GCM1: variants seen among roughly 807,000 people sequenced by gnomAD.
The protein encoded by GCM1 is GCM transcription factor 1, also known as chorion-specific transcription factor GCMa.
GCM1 carries 2 observed loss-of-function variants against 25.7 expected under a neutral mutation model. The observed-to-expected ratio is 0.08, with a 90% CI of 0.03 to 0.24. GCM1 has a LOEUF of 0.24. Ranked by LOEUF, GCM1 falls within the 10% of genes least tolerant of loss-of-function variation. The probability of loss-of-function intolerance (pLI) is 1.00; values close to 1 mark genes in which losing one functional copy is unlikely to be tolerated. For synonymous variants in GCM1, 183 were observed against 195.7 expected (o/e 0.94, Z 0.54); for missense variants, 395 against 538.7 (o/e 0.73, Z 2.64).
At chr6:53,141,449 A>G (rs1161525972) in intron 2 of GCM1, among the ~76,000 whole-genome samples, 1 of 152,160 alleles carries the variant, frequency 6.6e-6, no homozygotes, top group African/African-American at 2.4e-5. Context: ...GCACTTTGGG[A>G]GGCCAAGGTG....
At chr6:53,148,487 T>G (rs966783813) in intron 1 of GCM1, among the ~76,000 whole-genome samples, 4 of 152,208 alleles carry the variant, frequency 2.6e-5, no homozygotes, top group Non-Finnish European at 5.9e-5. Flanking sequence ...AGCATTAATT[T>G]AATATTTCCC....
In GCM1 at chr6:53,130,947, G is replaced by C; in HGVS notation, c.442-16C>G. 6.2e-7 allele frequency: 1 copy of C among 1,609,130 alleles called. No homozygotes were observed. Among genetic ancestry groups the C allele is most frequent in the Non-Finnish European group, 8.5e-7 (1 of 1,175,680 alleles). The stretch of plus-strand genomic sequence containing the variant: ...CTCCCTTTGACTTAAATGAGACAAG[G>C]AAGTAGAAAGGAAATGATATAACAC... On this transcript the variant is annotated splice_polypyrimidine_tract_variant and intron_variant, in intron 4 of 5. Transcript: ENST00000259803.
At position 53,144,731 on chromosome 6, in the gene GCM1, A is replaced by G. The variant is rs555345759; in HGVS notation, c.75+827T>C. Among the ~76,000 whole-genome samples the G allele has an allele frequency of 5.9e-5, 9 of 152,158 alleles. No individual in the cohort carries two copies. In the East Asian group the frequency reaches 1.7e-3, roughly 29 times the overall value. On this transcript the variant is annotated intron_variant, in intron 2 of 5. Coordinates refer to ENST00000259803, the MANE Select transcript of GCM1 (RefSeq NM_003643.4). ...GGAGTTCAAGACCAGCCCGGGCAAC[A>G]TGGCAAAACCCCATCTCTACAAAAA...
rs572717204 is a variant in GCM1 at position 53,145,618 on chromosome 6, G to A, written c.15C>T (p.Asp5=). Residue 5 remains aspartate, a synonymous_variant, in exon 2 of 6, where the codon GAC becomes GAT. Coordinates refer to ENST00000259803, the MANE Select transcript of GCM1 (RefSeq NM_003643.4). ...ATATCTCTTTGTCTTCAGAATCAAA[G>A]TCGTCAGGTTCCATGATAAGGTCAG... is the stretch of plus-strand genomic sequence containing the variant. MEPD[D]FDSEDKEILS... 1.3e-6 allele frequency: 2 copies of A among 1,597,094 alleles called. No homozygotes were observed. Among genetic ancestry groups the A allele is most frequent in the Admixed American group, 1.7e-5 (1 of 59,948 alleles).
At chr6:53,135,624 CA>C (rs1763786747) in intron 2 of GCM1, among the ~76,000 whole-genome samples, 4 of 152,176 alleles carry the variant, frequency 2.6e-5, no homozygotes, top group Admixed American at 1.3e-4. Flanking sequence ...TGTCAGCACT[CA>C]AACTTAGGCT....
At chr6:53,147,932 T>C (rs141141319) in intron 1 of GCM1, among the ~76,000 whole-genome samples, 24 of 152,300 alleles carry the variant, frequency 1.6e-4, no homozygotes, top group Non-Finnish European at 3.2e-4. Flanking sequence ...ATAGTCTTTA[T>C]AAATAAAGTT....
rs879684270 is a variant in GCM1, at chr6:53,147,814, C to T, written c.-137+940G>A. 1.9e-4 allele frequency among the ~76,000 whole-genome samples: 29 copies of T among 152,176 alleles called. No homozygotes were observed. The Middle Eastern group carries it at 0.01, about 54-fold the overall frequency. ...AGGGAAAGTGTATGTATATAAAAGA[C>T]CGTTGACCTGAACATAAGAATGAAG... On this transcript the variant is annotated intron_variant, in intron 1 of 5. Coordinates refer to ENST00000259803, the MANE Select transcript of GCM1 (RefSeq NM_003643.4).
chr6:53,137,709 C>T (rs1377268573), intron 2 of GCM1, among the ~76,000 whole-genome samples: 2 of 152,054 alleles, frequency 1.3e-5, no homozygotes, highest in Non-Finnish European at 1.5e-5. Context: ...TGAATTATTC[C>T]AGTATAAAAC....
intron 4 of GCM1, among the ~76,000 whole-genome samples, chr6:53,131,453 G>A (rs780349794): frequency 1.3e-5 from 2 of 152,168 alleles, no homozygotes; most frequent in Admixed American, 6.5e-5. Flanking sequence ...AATCAGCCAC[G>A]GTGAGAATAT....
At chr6:53,129,038 G>T in intron 5 of GCM1, 92 bp from the exon 6 acceptor site, 1 of 977,942 alleles carries the variant, frequency 1.0e-6, no homozygotes, top group Non-Finnish European at 1.5e-6. Flanking sequence ...ACAAATAAGA[G>T]CTCCATCAGA....
chr6:53,130,268 C>A (rs1408757627), intron 5 of GCM1, among the ~76,000 whole-genome samples: 1 of 152,190 alleles, frequency 6.6e-6, no homozygotes, highest in East Asian at 1.9e-4. Context: ...AACCTATGAT[C>A]TGCTGCCCAT....
At chr6:53,129,007 G>A (rs1763688714) in intron 5 of GCM1, 61 bp from the exon 6 acceptor site, 2 of 1,356,230 alleles carry the variant, frequency 1.5e-6, no homozygotes, top group Non-Finnish European at 2.1e-6. Flanking sequence ...CACTGCCATA[G>A]GCACCCATGA....
rs775075424 is a variant in GCM1, at chr6:53,128,487, C to G, written c.1030G>C (p.Glu344Gln). 6.2e-7 allele frequency: 1 copy of G among 1,613,996 alleles called. No individual in the cohort carries two copies. ...CAGCCAGTTTTGGCTGCAGGTGGCT[C>G]CAATGGAAGCTGCTGGTAAAAGGGT... The part of the protein sequence containing the change: ...SEPFYQQLPL[E>Q]PPAAKTGCPP... The change falls in exon 6 of 6, where the codon GAG becomes CAG. Residue 344 changes from glutamate (E) to glutamine (Q), a missense_variant. This residue lies in a region of GCM1 where 291 missense variants were observed against 314.6 expected (regional missense o/e 0.92). Coordinates refer to ENST00000259803, the MANE Select transcript of GCM1 (RefSeq NM_003643.4).
intron 2 of GCM1, among the ~76,000 whole-genome samples, chr6:53,143,326 T>C (rs1265429423): frequency 2.0e-5 from 3 of 152,228 alleles, no homozygotes; most frequent in African/African-American, 7.2e-5. Flanking sequence ...GAACATGAAC[T>C]TTTATGAGCC....
chr6:53,142,870 C>CAAAAA lies in GCM1; in HGVS notation c.75+2683_75+2687dup, dbSNP rs60718730. Among the ~76,000 whole-genome samples the CAAAAA allele has an allele frequency of 7.5e-3, 281 of 37,510 alleles. 19 individuals carry two copies. Among genetic ancestry groups the CAAAAA allele is most frequent in the East Asian group, 0.012 (20 of 1,652 alleles). 24.6% of individuals were successfully genotyped at this position (37,510 alleles called of 152,430 possible). A position where few individuals can be genotyped will look rare whatever the true frequency, so the allele number is the denominator to read the frequency against. ...AAAAGGTAAACAACTCAAGGATCTC[C>CAAAAA]AAAAAAAAAAAAAAAAAAAAAAAAA... On this transcript the variant is annotated intron_variant, in intron 2 of 5. Transcript: ENST00000259803.
intron 2 of GCM1, among the ~76,000 whole-genome samples, chr6:53,139,516 A>AG (rs1763844482): frequency 3.1e-5 from 4 of 130,608 alleles, no homozygotes; most frequent in African/African-American, 8.2e-5. Context: ...AAAAAAAAAA[A>AG]GGGGGAATTA....
At chr6:53,133,572 G>A (rs1013549843) in intron 3 of GCM1, among the ~76,000 whole-genome samples, 13 of 152,026 alleles carry the variant, frequency 8.6e-5, no homozygotes, top group Non-Finnish European at 8.8e-5. Context: ...GCTCACTGCA[G>A]CCTTGACTTT....
At chr6:53,131,001 G>A in intron 4 of GCM1, 70 bp from the exon 5 acceptor site, 1 of 1,420,838 alleles carries the variant, frequency 7.0e-7, no homozygotes, top group Non-Finnish European at 9.9e-7. Context: ...TGGTGTATCA[G>A]TTTTTATTTA....
In GCM1 at chr6:53,128,503, G is replaced by A; in HGVS notation, c.1014C>T (p.Tyr338=). Residue 338 remains tyrosine (Y), a synonymous_variant, in exon 6 of 6, where the codon TAC becomes TAT. Coordinates refer to ENST00000259803, the MANE Select transcript of GCM1 (RefSeq NM_003643.4). ...SPSQNSSEPF[Y]QQLPLEPPAA... Reference sequence around the variant, plus strand: ...CAGGTGGCTCCAATGGAAGCTGCTGGTAAAAGGGTTCTGAAGAGTTTTGGG... The same window carrying A: ...CAGGTGGCTCCAATGGAAGCTGCTGATAAAAGGGTTCTGAAGAGTTTTGGG... 1 of 1,614,096 alleles carries A rather than the reference G, an allele frequency of 6.2e-7. No homozygotes were observed. The highest frequency in any genetic ancestry group is 8.5e-7 in the Non-Finnish European group (1 of 1,179,946).
Sources: gnomAD v4.1 joint callset for allele counts (sites outside exome capture counted in the v4.1 genomes callset) on GRCh38, gnomAD v4.1.1 for gene constraint, gnomAD v4.1.1 regional missense constraint, MANE v1.5 for transcripts, NCBI Gene and HGNC (gene_info 2026-07-23, HGNC 2026-07-21) for gene names.